The following ABCD2 variants were observed in gnomAD, a reference collection of about 807,000 sequenced individuals.
The protein encoded by ABCD2 is ATP-binding cassette sub-family D member 2.
A neutral mutation model predicts 70.9 loss-of-function variants in ABCD2; 36 were observed. The observed-to-expected ratio is 0.51, with a 90% CI of 0.39 to 0.67. ABCD2 has a LOEUF of 0.67. ABCD2 is among the 30% of genes least tolerant of loss of function. ABCD2 has a pLI of 0.00. For synonymous variants in ABCD2, 304 were observed against 306.9 expected (o/e 0.99, Z 0.10); for missense variants, 729 against 890.2 (o/e 0.82, Z 2.30).
intron 9 of ABCD2, among the ~76,000 whole-genome samples, chr12:39,572,942 A>G (rs1010661047): frequency 1.3e-5 from 2 of 152,230 alleles, no homozygotes; most frequent in South Asian, 4.1e-4. Flanking sequence ...TGGTTAATGC[A>G]TGAGATACAC....
intron 2 of ABCD2, among the ~76,000 whole-genome samples, chr12:39,611,074 C>G (rs1942038283): frequency 6.6e-6 from 1 of 152,144 alleles, no homozygotes; most frequent in Non-Finnish European, 1.5e-5. Flanking sequence ...TAATTTGGAG[C>G]TCTGATAGTA....
At chr12:39,602,964 T>A (rs1239922246) in intron 5 of ABCD2, among the ~76,000 whole-genome samples, 1 of 152,164 alleles carries the variant, frequency 6.6e-6, no homozygotes, top group Admixed American at 6.5e-5. Flanking sequence ...TGTGGTCAGA[T>A]CCTAGTAATT....
At chr12:39,574,560 C>T (rs1471599214) in intron 8 of ABCD2, among the ~76,000 whole-genome samples, 1 of 152,042 alleles carries the variant, frequency 6.6e-6, no homozygotes, top group Non-Finnish European at 1.5e-5. Context: ...TCATCTCACC[C>T]CCTGCTCTTA....
chr12:39,560,941 A>T (rs1289917867), intron 9 of ABCD2, among the ~76,000 whole-genome samples: 1 of 152,212 alleles, frequency 6.6e-6, no homozygotes, highest in East Asian at 1.9e-4. Flanking sequence ...AAAGCATATT[A>T]CTAAAGAAAA....
At chr12:39,604,057 T>A in intron 4 of ABCD2, 51 bp from the exon 5 acceptor site, 1 of 1,253,696 alleles carries the variant, frequency 8.0e-7, no homozygotes, top group Non-Finnish European at 1.2e-6. Context: ...GGTTTCTGAT[T>A]AAATAACGTA....
intron 3 of ABCD2, 134 bp from the exon 4 acceptor site, chr12:39,605,064 A>G: frequency 1.7e-6 from 1 of 571,436 alleles, no homozygotes; most frequent in East Asian, 3.2e-5. Context: ...TATATAATAC[A>G]TCTGAAAACT....
chr12:39,602,313 C>T (rs141269069), intron 5 of ABCD2, among the ~76,000 whole-genome samples: 3 of 151,594 alleles, frequency 2.0e-5, no homozygotes, highest in Non-Finnish European at 4.4e-5. Context: ...CCACAATGCC[C>T]GGCTAATTTT....
chr12:39,579,283 G>A (rs1331363857), intron 8 of ABCD2, among the ~76,000 whole-genome samples: 2 of 152,142 alleles, frequency 1.3e-5, no homozygotes, highest in African/African-American at 4.8e-5. Context: ...AATTGCTTGG[G>A]CCTGGGAGAC....
chr12:39,570,348 G>T (rs1941429555), intron 9 of ABCD2, among the ~76,000 whole-genome samples: 1 of 152,146 alleles, frequency 6.6e-6, no homozygotes, highest in Admixed American at 6.5e-5. Flanking sequence ...CTACCAAACT[G>T]TAGCAACCCA....
chr12:39,618,577 A>G, intron 1 of ABCD2, 100 bp downstream of exon 1: 1 of 1,046,788 alleles, frequency 9.6e-7, no homozygotes, highest in Non-Finnish European at 1.4e-6. Flanking sequence ...TAAGACACTA[A>G]AGAAGTGGGT....
intron 6 of ABCD2, among the ~76,000 whole-genome samples, chr12:39,595,152 A>G (rs1279745056): frequency 6.6e-6 from 1 of 152,204 alleles, no homozygotes; most frequent in Non-Finnish European, 1.5e-5. Context: ...ATATTTTGTT[A>G]TTCCTCAGAA....
the ABCD2 span, chr12:39,539,869 A>G: frequency 6.5e-6 from 1 of 153,060 alleles, no homozygotes; most frequent in Non-Finnish European, 1.5e-5. Flanking sequence ...ACTGACAGCT[A>G]TAGTCAAGAG....
chr12:39,600,455 A>G, intron 6 of ABCD2, 116 bp downstream of exon 6: 1 of 1,042,772 alleles, frequency 9.6e-7, no homozygotes, highest in Non-Finnish European at 1.4e-6. Flanking sequence ...TATTTCCTTA[A>G]TAGTTTCTCT....
the ABCD2 span, among the ~76,000 whole-genome samples, chr12:39,535,679 T>C: frequency 6.6e-6 from 1 of 152,206 alleles, no homozygotes; most frequent in Non-Finnish European, 1.5e-5. Context: ...CCAAGCAACT[T>C]GATACTGTAA....
intron 9 of ABCD2, among the ~76,000 whole-genome samples, chr12:39,556,156 A>G (rs1941161962): frequency 6.6e-6 from 1 of 152,210 alleles, no homozygotes. Flanking sequence ...ATCAAGAACA[A>G]TCAGGGAAAT....
chr12:39,586,337 C>T (rs1256091999), intron 6 of ABCD2, 40 bp from the exon 7 acceptor site: 1 of 1,587,024 alleles, frequency 6.3e-7, no homozygotes, highest in Non-Finnish European at 8.6e-7. Context: ...AGTGGAAAGT[C>T]ATGATAACTT....
At chr12:39,618,045 T>G (rs146700301) in intron 1 of ABCD2, among the ~76,000 whole-genome samples, 4 of 151,858 alleles carry the variant, frequency 2.6e-5, no homozygotes, top group African/African-American at 7.2e-5. Flanking sequence ...TTTTCAAAGC[T>G]AGACAAAATT....
chr12:39,576,545 A>G (rs1229430891), intron 8 of ABCD2, among the ~76,000 whole-genome samples: 6 of 152,218 alleles, frequency 3.9e-5, no homozygotes, highest in Non-Finnish European at 8.8e-5. Flanking sequence ...ATCCCAAATT[A>G]GCAAAATTTA....
intron 8 of ABCD2, 84 bp downstream of exon 8, chr12:39,579,451 C>A (rs1941566071): frequency 2.2e-6 from 2 of 909,932 alleles, no homozygotes; most frequent in East Asian, 2.5e-5. Context: ...GACGATAAAT[C>A]CTGTCCAAAC....
Sources: allele counts gnomAD v4.1 joint callset (sites outside exome capture counted in the v4.1 genomes callset), GRCh38; gene constraint gnomAD v4.1.1; transcripts MANE v1.5; gene names NCBI Gene and HGNC (gene_info 2026-07-23, HGNC 2026-07-21).